KLHL14: variants seen among roughly 807,000 people sequenced by gnomAD.
KLHL14 encodes kelch like family member 14, also known as kelch-like protein 14.
Under a neutral mutation model 64.3 loss-of-function variants are expected in KLHL14, and 22 were observed. The ratio of observed to expected loss-of-function variants is 0.34; its 90% CI spans 0.24 to 0.49. The LOEUF (loss-of-function observed/expected upper bound fraction) is 0.49, where lower values mean the gene tolerates loss of function less well. KLHL14 is among the 20% of genes least tolerant of loss of function. KLHL14 has a pLI of 0.99. For missense variants in KLHL14, 661 were observed against 789.0 expected (o/e 0.84, Z 1.94); for synonymous variants, 322 against 333.4 (o/e 0.97, Z 0.37).
At chr18:32,744,852 T>A (rs1244896066) in intron 2 of KLHL14, 3 of 152,236 alleles carry the variant, frequency 2.0e-5, no homozygotes, top group Non-Finnish European at 4.4e-5. Context: ...GCCATTGCCA[T>A]CTGTCCTCTA....
intron 3 of KLHL14, among the ~76,000 whole-genome samples, chr18:32,711,618 T>C (rs2050019671): frequency 6.6e-6 from 1 of 152,128 alleles, no homozygotes; most frequent in Admixed American, 6.6e-5. Flanking sequence ...TTTAATAAAG[T>C]AGTTAATGAA....
intron 2 of KLHL14, among the ~76,000 whole-genome samples, chr18:32,753,149 A>G (rs1185717214): frequency 1.3e-5 from 2 of 152,198 alleles, no homozygotes; most frequent in Admixed American, 1.3e-4. Context: ...AACTTATTAT[A>G]AATGTTAAAA....
At chr18:32,723,173 G>T (rs2050088699) in intron 3 of KLHL14, among the ~76,000 whole-genome samples, 1 of 152,148 alleles carries the variant, frequency 6.6e-6, no homozygotes, top group Non-Finnish European at 1.5e-5. Flanking sequence ...GTTTTAAGGA[G>T]CTTGGTTAAG....
intron 8 of KLHL14, among the ~76,000 whole-genome samples, chr18:32,676,540 A>T (rs567733993): frequency 1.6e-4 from 25 of 152,274 alleles, no homozygotes; most frequent in Admixed American, 5.2e-4. Context: ...ACGTAAGTTA[A>T]TGATTTTTAA....
chr18:32,685,397 C>T (rs1262997572), intron 5 of KLHL14, among the ~76,000 whole-genome samples: 2 of 152,114 alleles, frequency 1.3e-5, no homozygotes, highest in African/African-American at 4.8e-5. Context: ...TTAATTATCA[C>T]GGTGTACAGC....
At chr18:32,695,112 G>A (rs2049930492) in intron 4 of KLHL14, among the ~76,000 whole-genome samples, 2 of 152,182 alleles carry the variant, frequency 1.3e-5, no homozygotes, top group South Asian at 4.1e-4. Context: ...GAGAAAGGTG[G>A]TGGAGAAGAT....
intron 4 of KLHL14, among the ~76,000 whole-genome samples, chr18:32,690,201 C>T (rs1209451080): frequency 6.6e-6 from 1 of 152,046 alleles, no homozygotes; most frequent in Non-Finnish European, 1.5e-5. Flanking sequence ...GGATGACAGA[C>T]AGTGAAAAGG....
chr18:32,696,431 G>C (rs1475170486), intron 3 of KLHL14, among the ~76,000 whole-genome samples: 9 of 152,264 alleles, frequency 5.9e-5, no homozygotes, highest in Admixed American at 3.9e-4. Flanking sequence ...AATATCCTAT[G>C]GTAAATGTAA....
chr18:32,764,173 C>G (rs894049068), intron 2 of KLHL14, among the ~76,000 whole-genome samples: 2 of 152,096 alleles, frequency 1.3e-5, no homozygotes, highest in Non-Finnish European at 2.9e-5. Flanking sequence ...AATATACTCG[C>G]CTATTTTGAT....
intron 3 of KLHL14, chr18:32,738,459 T>G (rs2050177829): frequency 6.6e-6 from 1 of 152,162 alleles, no homozygotes; most frequent in Admixed American, 6.6e-5. Flanking sequence ...GCATCTTGAC[T>G]TCCCTTTTAT....
At chr18:32,688,271 G>A (rs1445452328) in intron 4 of KLHL14, among the ~76,000 whole-genome samples, 2 of 152,134 alleles carry the variant, frequency 1.3e-5, no homozygotes, top group Non-Finnish European at 2.9e-5. Flanking sequence ...AGATAGGGGT[G>A]TGTGGGTGTG....
intron 3 of KLHL14, among the ~76,000 whole-genome samples, chr18:32,720,498 T>C (rs1253269757): frequency 2.0e-5 from 3 of 152,114 alleles, no homozygotes; most frequent in African/African-American, 7.2e-5. Context: ...CAAATGGAGA[T>C]GTTTGGGTTT....
At chr18:32,706,392 G>T (rs1461582610) in intron 3 of KLHL14, among the ~76,000 whole-genome samples, 1 of 152,168 alleles carries the variant, frequency 6.6e-6, no homozygotes, top group Admixed American at 6.5e-5. Flanking sequence ...AACCGAAGCA[G>T]TGCAGGTCAG....
chr18:32,760,205 G>A (rs1196378932), intron 2 of KLHL14, among the ~76,000 whole-genome samples: 1 of 152,030 alleles, frequency 6.6e-6, no homozygotes, highest in Non-Finnish European at 1.5e-5. Context: ...ATTGTGAATT[G>A]TGGACCATCC....
chr18:32,763,717 T>C (rs2050326398), intron 2 of KLHL14, among the ~76,000 whole-genome samples: 1 of 152,198 alleles, frequency 6.6e-6, no homozygotes, highest in South Asian at 2.1e-4. Context: ...ATTACCTATA[T>C]TTTTATTGCA....
At chr18:32,689,368 A>AG (rs1176841541) in intron 4 of KLHL14, among the ~76,000 whole-genome samples, 1 of 152,150 alleles carries the variant, frequency 6.6e-6, no homozygotes, top group South Asian at 2.1e-4. Context: ...GCTCAGAGAT[A>AG]GGGGGGAAAG....
At chr18:32,687,302 T>C (rs2049884311) in intron 4 of KLHL14, 69 bp from the exon 5 acceptor site, 1 of 1,198,574 alleles carries the variant, frequency 8.3e-7, no homozygotes, top group South Asian at 1.2e-5. Context: ...AGTAGTGTTT[T>C]ATCAGACGTC....
rs1032032768 is a variant in KLHL14 at position 32,770,778 on chromosome 18, T to C, written c.-43-144A>G. On this transcript the variant is annotated intron_variant, in intron 1 of 8. Transcript: ENST00000359358. The surrounding 1 kb of genome is among the most constrained non-coding windows in gnomAD (Gnocchi z 6.7). ...TCAGCTTGACTCCCTCCTGGCGCGCTCCGGACCCCGACCCTAGGAGGAAAG... is the reference window on the plus strand; with the variant it reads ...TCAGCTTGACTCCCTCCTGGCGCGCCCCGGACCCCGACCCTAGGAGGAAAG... 3.6e-6 allele frequency: 2 copies of C among 556,190 alleles called. No individual in the cohort carries two copies. The highest frequency in any genetic ancestry group is 6.0e-6 in the Non-Finnish European group (2 of 334,170). The allele number at this position is 556,190 out of a possible 1,614,324, so 34.5% of individuals were successfully genotyped here. A position where few individuals can be genotyped will look rare whatever the true frequency, so the allele number is the denominator to read the frequency against.
intron 7 of KLHL14, among the ~76,000 whole-genome samples, chr18:32,679,778 C>G (rs1318117406): frequency 2.0e-5 from 3 of 152,014 alleles, no homozygotes; most frequent in Non-Finnish European, 4.4e-5. Context: ...GCACTTATGA[C>G]TAAAGTTCCT....
Sources: gnomAD v4.1 joint callset for allele counts (sites outside exome capture counted in the v4.1 genomes callset) on GRCh38, gnomAD v4.1.1 for gene constraint, Gnocchi (gnomAD v3.1) non-coding constraint, MANE v1.5 for transcripts, NCBI Gene and HGNC (gene_info 2026-07-23, HGNC 2026-07-21) for gene names.